The following RGPD2 variants were observed in gnomAD, a reference collection of about 807,000 sequenced individuals.
RGPD2 encodes the protein RANBP2 like and GRIP domain containing 2, also known as RANBP2-like and GRIP domain-containing protein 2.
Under a neutral mutation model 36.0 loss-of-function variants are expected in RGPD2, and 2 were observed. The observed-to-expected ratio is 0.06, with a 90% CI of 0.02 to 0.17. The LOEUF is 0.17. Ranked by LOEUF, RGPD2 falls within the 10% of genes least tolerant of loss-of-function variation. The pLI, the probability that RGPD2 is intolerant of heterozygous loss-of-function variation, is 1.00. For synonymous variants in RGPD2, 19 were observed against 163.8 expected (o/e 0.12, Z 6.75); for missense variants, 40 against 464.3 (o/e 0.09, Z 8.40).
At chr2:87,948,475 G>T in the RGPD2 span, among the ~76,000 whole-genome samples, 1 of 150,772 alleles carries the variant, frequency 6.6e-6, no homozygotes. Context: ...TCCGCCTCCT[G>T]GGTTCAAATT....
the RGPD2 span, chr2:87,989,633 G>A: frequency 1.6e-5 from 10 of 606,320 alleles, no homozygotes; most frequent in Non-Finnish European, 2.5e-5. Flanking sequence ...ACAAAATTCT[G>A]TATTCTGTCA....
chr2:87,922,101 G>A, the RGPD2 span, among the ~76,000 whole-genome samples: 1 of 151,600 alleles, frequency 6.6e-6, no homozygotes, highest in Non-Finnish European at 1.5e-5. Flanking sequence ...AGACCAGCCT[G>A]GTCAACATGA....
chr2:87,825,195 C>T (rs551995505), intron 1 of RGPD2: 5,655 of 394,282 alleles, frequency 0.014, 64 homozygotes, highest in Non-Finnish European at 0.019. Context: ...CTCTATTGAT[C>T]CCCACCTCCA....
chr2:87,955,037 C>G, the RGPD2 span, among the ~76,000 whole-genome samples: 1 of 38,718 alleles, frequency 2.6e-5, no homozygotes, highest in African/African-American at 8.4e-5. Context: ...GACGGAGTCT[C>G]GCTCTGTCGT....
the RGPD2 span, among the ~76,000 whole-genome samples, chr2:87,884,497 G>A: frequency 6.6e-6 from 1 of 151,926 alleles, no homozygotes; most frequent in Non-Finnish European, 1.5e-5. Flanking sequence ...GAAATAAAGA[G>A]AATAAGAGTT....
At chr2:87,807,380 GTTTT>G (rs992462711) in intron 6 of RGPD2, among the ~76,000 whole-genome samples, 7 of 81,966 alleles carry the variant, frequency 8.5e-5, no homozygotes, top group East Asian at 3.6e-4. Context: ...GCGTTAAATT[GTTTT>G]TTTTTTTTTT....
intron 1 of RGPD2, among the ~76,000 whole-genome samples, chr2:87,824,758 GCCGCCGCC>G (rs1686574948): frequency 1.6e-5 from 2 of 125,570 alleles, no homozygotes; most frequent in Admixed American, 1.5e-4. Flanking sequence ...CGCCGCCGCC[GCCGCCGCC>G]GCCCGGCCAG....
rs1278941796 is a variant in RGPD2, at chr2:87,825,556, A to G, written c.72+102T>C. On this transcript the variant is annotated intron_variant, in intron 1 of 22. Transcript: ENST00000398146. ...CCGAGGCCGAGGCCGCCGCCCGGCC[A>G]GGTCGAGGCCGCCGCCCGGCCAGGT... The G allele has an allele frequency of 2.2e-4, 182 of 839,566 alleles. 5 individuals carry two copies. The highest frequency in any genetic ancestry group is 9.4e-4 in the Admixed American group (8 of 8,476). The allele number at this position is 839,566 out of a possible 1,614,324, so 52.0% of individuals were successfully genotyped here. A position where few individuals can be genotyped will look rare whatever the true frequency, so the allele number is the denominator to read the frequency against.
At chr2:87,940,330 C>T in the RGPD2 span, among the ~76,000 whole-genome samples, 1 of 151,282 alleles carries the variant, frequency 6.6e-6, no homozygotes, top group Non-Finnish European at 1.5e-5. Context: ...AGACAGGTTA[C>T]CAAAGCAAAG....
the RGPD2 span, among the ~76,000 whole-genome samples, chr2:87,938,642 TA>T: frequency 3.3e-5 from 1 of 30,464 alleles, no homozygotes; most frequent in East Asian, 6.6e-4. Context: ...GATTTTACTT[TA>T]AAAAAACTCA....
chr2:87,917,238 T>A, the RGPD2 span, among the ~76,000 whole-genome samples: 2 of 146,430 alleles, frequency 1.4e-5, no homozygotes, highest in Non-Finnish European at 3.0e-5. Context: ...TATATATAGG[T>A]TATTATAAAG....
At chr2:87,952,027 T>C in the RGPD2 span, among the ~76,000 whole-genome samples, 4 of 152,250 alleles carry the variant, frequency 2.6e-5, no homozygotes, top group African/African-American at 4.8e-5. Context: ...ACCTGTTGAG[T>C]TGTATGCTCA....
chr2:87,893,527 A>G, the RGPD2 span, among the ~76,000 whole-genome samples: 18 of 132,478 alleles, frequency 1.4e-4, 1 homozygote, highest in Non-Finnish European at 1.8e-4. Flanking sequence ...GGGGCTTTCT[A>G]TATTAAGCAG....
chr2:87,858,187 A>T, the RGPD2 span, among the ~76,000 whole-genome samples: 1 of 152,072 alleles, frequency 6.6e-6, no homozygotes, highest in Admixed American at 6.5e-5. Flanking sequence ...CTGAGGCAGG[A>T]GAATTGCTTG....
chr2:87,897,646 C>T, the RGPD2 span, among the ~76,000 whole-genome samples: 4 of 150,942 alleles, frequency 2.7e-5, no homozygotes, highest in Non-Finnish European at 5.9e-5. Context: ...CCCCAACTGG[C>T]CCCCGTGTGT....
At chr2:87,961,585 C>T in the RGPD2 span, among the ~76,000 whole-genome samples, 1 of 150,172 alleles carries the variant, frequency 6.7e-6, no homozygotes, top group African/African-American at 2.4e-5. Flanking sequence ...CCCTGTAATC[C>T]CAGCTACTCG....
the RGPD2 span, among the ~76,000 whole-genome samples, chr2:87,915,831 A>G: frequency 4.0e-5 from 6 of 151,680 alleles, no homozygotes; most frequent in African/African-American, 1.5e-4. Context: ...GTAAAAGTGG[A>G]GAAAGAAGCC....
intron 20 of RGPD2, among the ~76,000 whole-genome samples, chr2:87,781,460 TTTTG>T (rs1685401708): frequency 7.2e-6 from 1 of 138,194 alleles, no homozygotes; most frequent in Non-Finnish European, 1.5e-5. Context: ...TTTTTTGTTT[TTTTG>T]TTTTTTTTTT....
chr2:87,810,006 A>C (rs1480937502), intron 6 of RGPD2, among the ~76,000 whole-genome samples: 1 of 61,226 alleles, frequency 1.6e-5, no homozygotes, highest in Non-Finnish European at 3.7e-5. Context: ...TCAAAAAAAA[A>C]AAAAATTAGC....
Sources: gnomAD v4.1 joint callset for allele counts (sites outside exome capture counted in the v4.1 genomes callset) on GRCh38, gnomAD v4.1.1 for gene constraint, MANE v1.5 for transcripts, NCBI Gene and HGNC (gene_info 2026-07-23, HGNC 2026-07-21) for gene names.